The following ALOX15B variants were observed in gnomAD, a reference collection of about 807,000 sequenced individuals.
The protein encoded by ALOX15B is polyunsaturated fatty acid lipoxygenase ALOX15B.
A neutral mutation model predicts 73.8 loss-of-function variants in ALOX15B; 74 were observed. That is an observed-to-expected ratio of 1.00 (90% CI 0.83 to 1.22). ALOX15B has a LOEUF of 1.22. ALOX15B is among the 50% of genes most tolerant of loss of function. The pLI, the probability that ALOX15B is intolerant of heterozygous loss-of-function variation, is 0.00. For missense variants in ALOX15B, 896 were observed against 859.9 expected (o/e 1.04, Z -0.52); for synonymous variants, 353 against 357.2 (o/e 0.99, Z 0.13).
intron 5 of ALOX15B, 64 bp from the exon 6 acceptor site, chr17:8,044,765 T>G: frequency 5.6e-5 from 45 of 803,102 alleles, no homozygotes; most frequent in South Asian, 1.0e-4. Flanking sequence ...CGTCCCCGTG[T>G]CCCCCACCCC....
chr17:8,041,117 C>T (rs1467713900), intron 3 of ALOX15B, among the ~76,000 whole-genome samples: 1 of 152,102 alleles, frequency 6.6e-6, no homozygotes, highest in Non-Finnish European at 1.5e-5. Context: ...ACCATTGCAC[C>T]AAATCTGGCA....
At position 8,047,604 on chromosome 17, in the gene ALOX15B, G is replaced by C; in HGVS notation, c.1620G>C (p.Gln540His). The change falls in exon 12 of 14, where the codon CAG becomes CAC. Residue 540 changes from glutamine to histidine, a missense_variant. Physicochemically the swap from Gln to His is conservative, Grantham distance 24 (BLOSUM62 0). Transcript: ENST00000380183. ...SSLETREALV[Q>H]YVTMVIFTCS... Reference sequence around the variant, plus strand: ...TGGAGACCCGGGAAGCCCTGGTGCAGTATGTCACCATGGTGATATTCACCT... The same window carrying C: ...TGGAGACCCGGGAAGCCCTGGTGCACTATGTCACCATGGTGATATTCACCT... 8 of 1,610,716 alleles carry C rather than the reference G, an allele frequency of 5.0e-6. No homozygotes were observed. The highest frequency in any genetic ancestry group is 6.8e-6 in the Non-Finnish European group (8 of 1,178,504).
Position 8,048,749 on chromosome 17 carries a change from A to G in ALOX15B, c.*184A>G, listed in dbSNP as rs1181265858. On this transcript the variant is annotated 3_prime_UTR_variant, in exon 14 of 14. Coordinates refer to ENST00000380183, the MANE Select transcript of ALOX15B (RefSeq NM_001141.3). Reference sequence around the variant, plus strand: ...ACAAAAACAGAAACAAAATCAAAACAGAGAAAGCAGAAAATCTACCAAGAA... The same window carrying G: ...ACAAAAACAGAAACAAAATCAAAACGGAGAAAGCAGAAAATCTACCAAGAA... 3.3e-6 allele frequency: 2 copies of G among 598,118 alleles called. No homozygotes were observed. Among genetic ancestry groups the G allele is most frequent in the Non-Finnish European group, 5.5e-6 (2 of 363,928 alleles). The allele number at this position is 598,118 out of a possible 1,614,324, so 37.1% of individuals were successfully genotyped here. A position where few individuals can be genotyped will look rare whatever the true frequency, so the allele number is the denominator to read the frequency against.
In ALOX15B at chr17:8,047,803, C is replaced by A. The variant is rs1221743458; in HGVS notation, c.1739C>A (p.Thr580Asn). ...LPPSMQLPPP[T>N]SKGLATCEGF... ...CCCAGCATGCAGCTGCCACCACCCA[C>A]CTCCAAAGGCCTGGCAACATGCGAG... Residue 580 changes from threonine to asparagine, a missense_variant, in exon 13 of 14, where the codon ACC becomes AAC. Transcript: ENST00000380183. 6.2e-6 allele frequency: 10 copies of A among 1,614,220 alleles called. No individual in the cohort carries two copies. Among genetic ancestry groups the A allele is most frequent in the Non-Finnish European group, 8.5e-6 (10 of 1,180,036 alleles).
In ALOX15B at chr17:8,048,402, A is replaced by G. The variant is rs372796583; in HGVS notation, c.1868A>G (p.Tyr623Cys). Residue 623 changes from tyrosine to cysteine, a missense_variant, in exon 14 of 14, where the codon TAT becomes TGT. Coordinates refer to ENST00000380183, the MANE Select transcript of ALOX15B (RefSeq NM_001141.3). ...EPGDQRPLGT[Y>C]PDEHFTEEAP... ...GATCCTCAGAGGCCCCTGGGCACCTATCCGGATGAGCACTTCACAGAGGAG... is the reference window on the plus strand; with the variant it reads ...GATCCTCAGAGGCCCCTGGGCACCTGTCCGGATGAGCACTTCACAGAGGAG... 92 of 1,613,056 alleles carry G rather than the reference A, an allele frequency of 5.7e-5. No homozygotes were observed. Among genetic ancestry groups the G allele is most frequent in the Non-Finnish European group, 7.6e-5 (90 of 1,179,508 alleles).
At chr17:8,042,952 C>A in intron 5 of ALOX15B, 68 bp downstream of exon 5, 3 of 1,321,972 alleles carry the variant, frequency 2.3e-6, no homozygotes, top group South Asian at 1.3e-5. Context: ...TGCCCAGAGT[C>A]TCAGAAAACC....
rs1976485374 is a variant in ALOX15B, at chr17:8,042,384, C to T, written c.465C>T (p.Asn155=). Residue 155 remains asparagine (N), a synonymous_variant, in exon 4 of 14, where the codon AAC becomes AAT. Coordinates refer to ENST00000380183, the MANE Select transcript of ALOX15B (RefSeq NM_001141.3). ...TACCCTCCAGGTGGAAGGCTTACAA[C>T]CCAGGTTGGCCTCACTGCCTGGATG... ...RQEMYQWKAY[N]PGWPHCLDEK... 6.2e-7 allele frequency: 1 copy of T among 1,614,044 alleles called. No homozygotes were observed. The highest frequency in any genetic ancestry group is 1.3e-5 in the African/African-American group (1 of 75,056).
At position 8,044,897 on chromosome 17, in the gene ALOX15B, G is replaced by C. The variant is rs771343490; in HGVS notation, c.745G>C (p.Val249Leu). The C allele has an allele frequency of 2.5e-6, 4 of 1,613,856 alleles. No homozygotes were observed. The highest frequency in any genetic ancestry group is 3.4e-6 in the Non-Finnish European group (4 of 1,180,004). The change falls in exon 6 of 14, where the codon GTC becomes CTC. Residue 249 changes from valine (V) to leucine (L), a missense_variant. Physicochemically the swap from Val to Leu is conservative, Grantham distance 32. Coordinates refer to ENST00000380183, the MANE Select transcript of ALOX15B (RefSeq NM_001141.3). ...CCAGTTCCTGAATGGTCTCAACCCT[G>C]TCCTGATCCGCCGCTGTCACTACCT... Reference protein sequence around the residue: ...ASQFLNGLNPVLIRRCHYLPK... With the variant: ...ASQFLNGLNPLLIRRCHYLPK...
At chr17:8,039,868 C>T in intron 2 of ALOX15B, 34 bp from the exon 3 acceptor site, 1 of 1,583,802 alleles carries the variant, frequency 6.3e-7, no homozygotes, top group Non-Finnish European at 8.6e-7. Flanking sequence ...GTGAGTTTCT[C>T]TCCCCACCCC....
Position 8,045,435 on chromosome 17 carries a change from G to GC in ALOX15B, c.997-48_997-47insC, listed in dbSNP as rs1187972135. The stretch of plus-strand genomic sequence containing the variant: ...AGCGTGAAGAAGAGTCAGGAGAATG[G>GC]TTGGAAGACACTCATGGCTGCCTCT... On this transcript the variant is annotated intron_variant, in intron 7 of 13. Transcript: ENST00000380183. 1.9e-6 allele frequency: 3 copies of GC among 1,613,630 alleles called. No individual in the cohort carries two copies. In the African/African-American group the frequency reaches 4.0e-5, roughly 22 times the overall value.
rs367867264 is a variant in ALOX15B, at chr17:8,044,951, A to G, written c.799A>G (p.Met267Val). Residue 267 changes from methionine (M) to valine (V), a missense_variant, in exon 6 of 14, where the codon ATG becomes GTG. Physicochemically the swap from Met to Val is conservative, Grantham distance 21. Coordinates refer to ENST00000380183, the MANE Select transcript of ALOX15B (RefSeq NM_001141.3). ...AAAGAACTTCCCCGTCACTGATGCC[A>G]TGGTGGCCTCAGTGTTGGGTCCTGG... is the stretch of plus-strand genomic sequence containing the variant. ...LPKNFPVTDA[M>V]VASVLGPGTS... 232 of 1,613,988 alleles carry G rather than the reference A, an allele frequency of 1.4e-4. No individual in the cohort carries two copies. Among genetic ancestry groups the G allele is most frequent in the Non-Finnish European group, 1.8e-4 (218 of 1,180,010 alleles).
In ALOX15B at chr17:8,048,872, T is replaced by G. The variant is rs776164118; in HGVS notation, c.*307T>G. The G allele has an allele frequency of 2.7e-4, 69 of 255,916 alleles. No individual in the cohort carries two copies. The highest frequency in any genetic ancestry group is 4.2e-4 in the Non-Finnish European group (57 of 135,130). The allele number at this position is 255,916 out of a possible 1,614,324, so 15.9% of individuals were successfully genotyped here. ...AGGGTTTTGCTAGTTGGTTTTGTTT[T>G]GCGTTTTACAGCCGTGGGGGGAAGC... On this transcript the variant is annotated 3_prime_UTR_variant, in exon 14 of 14. Transcript: ENST00000380183.
intron 3 of ALOX15B, among the ~76,000 whole-genome samples, chr17:8,040,583 A>AAGAGAGAAAGAAAG (rs1976414988): frequency 8.2e-6 from 1 of 121,924 alleles, no homozygotes; most frequent in African/African-American, 3.3e-5. Context: ...AAAGGAAGGA[A>AAGAGAGAAAGAAAG]AGAGAGAAAG....
intron 5 of ALOX15B, among the ~76,000 whole-genome samples, chr17:8,044,590 T>A (rs73245806): frequency 0.093 from 14,116 of 152,016 alleles, 987 homozygotes; most frequent in African/African-American, 0.19. Context: ...TTGAGGCTAG[T>A]GAGTTATTCA....
rs758996831 is a variant in ALOX15B at position 8,039,946 on chromosome 17, C to T, written c.412C>T (p.Arg138Cys). ...ADHHPVLQQQ[R>C]QEELQARQEM... ...CCACCACCCTGTGCTCCAGCAACAG[C>T]GCCAGGAGGAGCTTCAGGCCCGGCA... is the stretch of plus-strand genomic sequence containing the variant. The change falls in exon 3 of 14, where the codon CGC becomes TGC. Residue 138 changes from arginine (R) to cysteine (C), a missense_variant. By Grantham distance (180) the Arg-to-Cys change is radical (BLOSUM62 -3). Transcript: ENST00000380183. 2 of 1,613,134 alleles carry T rather than the reference C, an allele frequency of 1.2e-6. No homozygotes were observed. Among genetic ancestry groups the T allele is most frequent in the Non-Finnish European group, 1.7e-6 (2 of 1,179,616 alleles).
Position 8,045,262 on chromosome 17 carries a change from C to T in ALOX15B, c.874C>T (p.His292Tyr), listed in dbSNP as rs768307447. 7 of 1,614,032 alleles carry T rather than the reference C, an allele frequency of 4.3e-6. No homozygotes were observed. The highest frequency in any genetic ancestry group is 3.3e-5 in the Admixed American group (2 of 59,998). ...GAAGGGCTCCCTGTTCTTGGTGGAT[C>T]ACGGCATCCTCTCTGGCATCCAGAC... Reference protein sequence around the residue: ...LEKGSLFLVDHGILSGIQTNV... With the variant: ...LEKGSLFLVDYGILSGIQTNV... Residue 292 changes from histidine (H) to tyrosine (Y), a missense_variant, in exon 7 of 14, where the codon CAC (histidine) becomes TAC (tyrosine). Coordinates refer to ENST00000380183, the MANE Select transcript of ALOX15B (RefSeq NM_001141.3).
rs750713821 is a variant in ALOX15B, at chr17:8,042,861, A to C, written c.653A>C (p.Asn218Thr). ...RSLNEMKRIFNFRRTPAAEHA... is the reference protein window; with the variant it reads ...RSLNEMKRIFTFRRTPAAEHA... ...CTGAATGAGATGAAAAGGATCTTCA[A>C]CTTCCGGAGGACCCCAGCAGCTGGT... Residue 218 changes from asparagine to threonine, a missense_variant, in exon 5 of 14, where the codon AAC (asparagine) becomes ACC (threonine). Transcript: ENST00000380183. 67 of 1,553,724 alleles carry C rather than the reference A, an allele frequency of 4.3e-5. No individual in the cohort carries two copies. Among genetic ancestry groups the C allele is most frequent in the Non-Finnish European group, 5.5e-5 (63 of 1,148,276 alleles).
At chr17:8,045,202 A>G (rs751315058) in intron 6 of ALOX15B, 36 bp from the exon 7 acceptor site, 32 of 1,612,858 alleles carry the variant, frequency 2.0e-5, no homozygotes, top group Non-Finnish European at 2.4e-5. Context: ...CATTTAGAAA[A>G]CCAGGTGGCA....
chr17:8,042,714 G>T, intron 4 of ALOX15B, 67 bp from the exon 5 acceptor site: 13 of 1,453,016 alleles, frequency 8.9e-6, no homozygotes, highest in Non-Finnish European at 1.2e-5. Context: ...GAGGCATAAG[G>T]CTGGCTGACA....
Sources: gnomAD v4.1 joint callset for allele counts (sites outside exome capture counted in the v4.1 genomes callset) on GRCh38, gnomAD v4.1.1 for gene constraint, MANE v1.5 for transcripts, NCBI Gene and HGNC (gene_info 2026-07-23, HGNC 2026-07-21) for gene names.